SNAP25: variants seen among roughly 807,000 people sequenced by gnomAD.
SNAP25 encodes the protein synaptosomal-associated protein 25.
In SNAP25, 3 loss-of-function variants were observed where a neutral mutation model predicts 28.7. That is an observed-to-expected ratio of 0.10 (90% CI 0.05 to 0.27). The LOEUF (loss-of-function observed/expected upper bound fraction) is 0.27. Among genes scored for constraint, SNAP25 ranks in the 10% least tolerant of loss-of-function variants. The pLI is 1.00. For missense variants in SNAP25, 117 were observed against 278.7 expected, an observed-to-expected ratio of 0.42 and a Z score of 4.13; for synonymous variants, 61 against 88.1, an observed-to-expected ratio of 0.69 and a Z score of 1.72.
chr20:10,223,704 A>C (rs79741592), intron 1 of SNAP25, among the ~76,000 whole-genome samples: 1 of 152,156 alleles, frequency 6.6e-6, no homozygotes, highest in Non-Finnish European at 1.5e-5. Flanking sequence ...AAAAGACTTC[A>C]TAGAAATTTC....
At chr20:10,250,184 A>C (rs1254009739) in intron 1 of SNAP25, among the ~76,000 whole-genome samples, 1 of 152,182 alleles carries the variant, frequency 6.6e-6, no homozygotes, top group East Asian at 1.9e-4. Context: ...TTATTTAGGG[A>C]ACTCAGTTTC....
chr20:10,280,911 G>C (rs552601170), intron 3 of SNAP25, among the ~76,000 whole-genome samples: 1 of 152,264 alleles, frequency 6.6e-6, no homozygotes, highest in African/African-American at 2.4e-5. Context: ...AAAAAAATCA[G>C]GTTGAGCAGT....
At chr20:10,264,934 T>TC (rs2063482175) in intron 1 of SNAP25, among the ~76,000 whole-genome samples, 1 of 151,028 alleles carries the variant, frequency 6.6e-6, no homozygotes, top group South Asian at 2.1e-4. Flanking sequence ...TTTTTTTTTT[T>TC]TTTCTGAGAT....
chr20:10,302,368 A>G (rs941117925), intron 7 of SNAP25, among the ~76,000 whole-genome samples: 1 of 152,186 alleles, frequency 6.6e-6, no homozygotes, highest in Non-Finnish European at 1.5e-5. Flanking sequence ...GAGAGCTAAG[A>G]CTTTGAGTTC....
intron 4 of SNAP25, among the ~76,000 whole-genome samples, chr20:10,285,089 T>C (rs1299042582): frequency 6.6e-6 from 1 of 152,228 alleles, no homozygotes; most frequent in East Asian, 1.9e-4. Flanking sequence ...AATTTTCTTA[T>C]TATCTTTGCC....
At chr20:10,280,473 G>C (rs2063761170) in intron 3 of SNAP25, among the ~76,000 whole-genome samples, 1 of 152,158 alleles carries the variant, frequency 6.6e-6, no homozygotes, top group Non-Finnish European at 1.5e-5. Flanking sequence ...GATGTAAATT[G>C]GTATCTTGCT....
Position 10,250,013 on chromosome 20 carries a change from T to C in SNAP25, c.-63-25416T>C, listed in dbSNP as rs954798204. Among the ~76,000 whole-genome samples the C allele has an allele frequency of 3.6e-4, 55 of 152,290 alleles. 1 individual carries two copies. In the Middle Eastern group the frequency reaches 0.01, roughly 28 times the overall value. On this transcript the variant is annotated intron_variant, in intron 1 of 7. Transcript: ENST00000254976. The stretch of plus-strand genomic sequence containing the variant: ...GGATCTAGGGTGGAGCTCATGAATA[T>C]GCATTTCTAGTAAGTTCCTGCATAT...
intron 1 of SNAP25, among the ~76,000 whole-genome samples, chr20:10,224,255 G>GTTTTTTTTTTTTTT (rs1438577018): frequency 4.2e-5 from 1 of 24,032 alleles, no homozygotes; most frequent in Non-Finnish European, 7.0e-5. Flanking sequence ...GAATGTACAT[G>GTTTTTTTTTTTTTT]TCTTTTTTTT....
At chr20:10,236,466 G>A (rs1235337336) in intron 1 of SNAP25, among the ~76,000 whole-genome samples, 1 of 152,120 alleles carries the variant, frequency 6.6e-6, no homozygotes, top group African/African-American at 2.4e-5. Context: ...TTTCACTTGA[G>A]CCTGTCTTGG....
chr20:10,283,520 A>C (rs2063817635), intron 3 of SNAP25, among the ~76,000 whole-genome samples: 1 of 152,236 alleles, frequency 6.6e-6, no homozygotes, highest in South Asian at 2.1e-4. Flanking sequence ...TGTGTCCTGG[A>C]GATTTAACTG....
At chr20:10,281,925 C>T (rs2123044727) in intron 3 of SNAP25, among the ~76,000 whole-genome samples, 1 of 152,262 alleles carries the variant, frequency 6.6e-6, no homozygotes, top group Admixed American at 6.5e-5. Context: ...CCCCATTTGA[C>T]AGCTGGGAAG....
At chr20:10,227,356 C>A (rs956332483) in intron 1 of SNAP25, among the ~76,000 whole-genome samples, 2 of 152,036 alleles carry the variant, frequency 1.3e-5, no homozygotes, top group African/African-American at 4.8e-5. Flanking sequence ...TATAACAGTG[C>A]CTGCCACACC....
At chr20:10,236,205 C>A (rs2062917783) in intron 1 of SNAP25, among the ~76,000 whole-genome samples, 1 of 152,112 alleles carries the variant, frequency 6.6e-6, no homozygotes, top group African/African-American at 2.4e-5. Flanking sequence ...TCCCCATAGA[C>A]CTTGGAGCCC....
At chr20:10,282,189 AAGGAAGG>A (rs1445850649) in intron 3 of SNAP25, among the ~76,000 whole-genome samples, 2 of 148,254 alleles carry the variant, frequency 1.3e-5, no homozygotes, top group Non-Finnish European at 3.0e-5. Context: ...GGAAGGAAGG[AAGGAAGG>A]AAGGAAGGAA....
At chr20:10,259,518 C>G (rs2063375295) in intron 1 of SNAP25, among the ~76,000 whole-genome samples, 1 of 151,944 alleles carries the variant, frequency 6.6e-6, no homozygotes. Context: ...AAAGGACCAG[C>G]TAATCAGGAC....
At chr20:10,232,043 G>C (rs749030232) in intron 1 of SNAP25, among the ~76,000 whole-genome samples, 2 of 152,174 alleles carry the variant, frequency 1.3e-5, no homozygotes, top group Admixed American at 1.3e-4. Flanking sequence ...AAGCAGAGAC[G>C]TAGCTGGAAT....
At chr20:10,243,735 A>C (rs533882719) in intron 1 of SNAP25, among the ~76,000 whole-genome samples, 14 of 152,256 alleles carry the variant, frequency 9.2e-5, no homozygotes, top group African/African-American at 3.4e-4. Context: ...TGGTAATATT[A>C]CGCTCCGTTA....
In SNAP25 at chr20:10,293,458, G is replaced by A. The variant is rs2064041990; in HGVS notation, c.281+180G>A. On this transcript the variant is annotated intron_variant, in intron 5 of 7. Coordinates refer to ENST00000254976, the MANE Select transcript of SNAP25 (RefSeq NM_130811.4). The surrounding 1 kb of genome is among the most constrained non-coding windows in gnomAD (Gnocchi z 5.6). ...GATATTAGCAGGAGTTACTGTTGAT[G>A]CATTAAAAATCAGGCATACTACAGT... 6.6e-6 allele frequency among the ~76,000 whole-genome samples: 1 copy of A among 152,180 alleles called. No homozygotes were observed. The highest frequency in any genetic ancestry group is 1.9e-4 in the East Asian group (1 of 5,198).
intron 1 of SNAP25, among the ~76,000 whole-genome samples, chr20:10,245,078 G>T (rs943454977): frequency 1.3e-5 from 2 of 152,108 alleles, no homozygotes; most frequent in Admixed American, 6.6e-5. Context: ...GGAGAGAGGG[G>T]CCAGGGTTAG....
Sources: allele counts gnomAD v4.1 joint callset (sites outside exome capture counted in the v4.1 genomes callset), GRCh38; gene constraint gnomAD v4.1.1; non-coding constraint Gnocchi (gnomAD v3.1); transcripts MANE v1.5; gene names NCBI Gene and HGNC (gene_info 2026-07-23, HGNC 2026-07-21).